Variants in CALB2 observed in about 807,000 individuals in gnomAD.
CALB2 encodes the protein calretinin.
A neutral mutation model predicts 45.9 loss-of-function variants in CALB2; 34 were observed. That is an observed-to-expected ratio of 0.74 (90% confidence interval 0.56 to 0.99). The LOEUF (loss-of-function observed/expected upper bound fraction) is 0.99. Among genes scored for constraint, CALB2 ranks in the 50% least tolerant of loss-of-function variants. CALB2 has a pLI of 0.00. For missense variants in CALB2, 344 were observed against 339.3 expected, an observed-to-expected ratio of 1.01 and a Z score of -0.11; for synonymous variants, 142 against 129.6, an observed-to-expected ratio of 1.10 and a Z score of -0.65.
chr16:71,365,718 C>G (rs528753558), intron 1 of CALB2, among the ~76,000 whole-genome samples: 1 of 152,162 alleles, frequency 6.6e-6, no homozygotes, highest in East Asian at 1.9e-4. Flanking sequence ...GCGTTATGCT[C>G]CAATCCTACT....
At chr16:71,387,780 G>C (rs1259165779) in intron 10 of CALB2, among the ~76,000 whole-genome samples, 2 of 152,212 alleles carry the variant, frequency 1.3e-5, no homozygotes, top group African/African-American at 2.4e-5. Flanking sequence ...TTCTGATTAA[G>C]TGGCAGATAT....
chr16:71,384,186 G>C (rs1417613604), intron 7 of CALB2, among the ~76,000 whole-genome samples, 153 bp from the exon 8 acceptor site: 1 of 151,910 alleles, frequency 6.6e-6, no homozygotes, highest in Non-Finnish European at 1.5e-5. Context: ...CACCTTGTCT[G>C]TCTCCCTCGT....
At chr16:71,378,872 A>T (rs182235280) in intron 4 of CALB2, among the ~76,000 whole-genome samples, 1 of 152,210 alleles carries the variant, frequency 6.6e-6, no homozygotes. Flanking sequence ...CTAGAGAAGG[A>T]TGGACTTATG....
chr16:71,360,794 C>T (rs192797373), intron 1 of CALB2, among the ~76,000 whole-genome samples: 1 of 152,350 alleles, frequency 6.6e-6, no homozygotes, highest in Admixed American at 6.5e-5. Context: ...TCCCCTTATA[C>T]AGATGAGGAA....
chr16:71,377,554 C>T, intron 3 of CALB2, 113 bp from the exon 4 acceptor site: 1 of 688,332 alleles, frequency 1.5e-6, no homozygotes, highest in Non-Finnish European at 2.6e-6. Context: ...GAAGAAAACG[C>T]AATTCCCACA....
intron 3 of CALB2, among the ~76,000 whole-genome samples, chr16:71,377,101 TG>T (rs2042425557): frequency 6.6e-6 from 1 of 152,204 alleles, no homozygotes; most frequent in African/African-American, 2.4e-5. Context: ...GGCGGTTGGG[TG>T]GGCAGCCAGC....
chr16:71,382,657 G>T (rs2144995626), intron 4 of CALB2, 62 bp from the exon 5 acceptor site: 1 of 1,550,364 alleles, frequency 6.5e-7, no homozygotes, highest in Middle Eastern at 1.7e-4. Context: ...AAGGGGAATG[G>T]AAGGGAGGTG....
chr16:71,380,072 G>C (rs2042468522), intron 4 of CALB2, among the ~76,000 whole-genome samples: 1 of 152,044 alleles, frequency 6.6e-6, no homozygotes, highest in Non-Finnish European at 1.5e-5. Flanking sequence ...CATCATGCCT[G>C]ACTCCTTTCC....
In CALB2 at chr16:71,358,803, C is replaced by T. The variant is rs1186830523; in HGVS notation, c.11C>T (p.Pro4Leu). Residue 4 changes from proline to leucine, a missense_variant, in exon 1 of 11, where the codon CCG becomes CTG. This residue lies in a region of CALB2 where 77 missense variants were observed against 80.5 expected (regional missense o/e 0.96). Coordinates refer to ENST00000302628, the MANE Select transcript of CALB2 (RefSeq NM_001740.5). ...TCCGAGCGGCTCGCCATGGCTGGCC[C>T]GCAGCAGCAGCCCCCTTACCTGCAC... MAG[P>L]QQQPPYLHLA... is the part of the protein sequence containing the mutation. The T allele has an allele frequency of 2.8e-5, 45 of 1,607,216 alleles. No homozygotes were observed. The highest frequency in any genetic ancestry group is 3.8e-5 in the Non-Finnish European group (45 of 1,178,114).
In CALB2 at chr16:71,382,712, G is replaced by A. The variant is rs1434520243; in HGVS notation, c.343-7G>A. 10 of 1,610,950 alleles carry A rather than the reference G, an allele frequency of 6.2e-6. No homozygotes were observed. Among genetic ancestry groups the A allele is most frequent in the Non-Finnish European group, 8.5e-6 (10 of 1,178,888 alleles). On this transcript the variant is annotated splice_region_variant and splice_polypyrimidine_tract_variant and intron_variant, in intron 4 of 10. Transcript: ENST00000302628. ...TTGCAAAGAGGTTGACATTCCTGTT[G>A]TTGCAGGCTTGGCGGAAGTACGACA...
chr16:71,379,205 A>G lies in CALB2; in HGVS notation c.342+1458A>G, dbSNP rs545292789. On this transcript the variant is annotated intron_variant, in intron 4 of 10. Transcript: ENST00000302628. Reference sequence around the variant, plus strand: ...GGCAGGAGAATCGCTTGAACCAGGCAGGCAGAGGTTGCAGTGAGCCAAGAT... The same window carrying G: ...GGCAGGAGAATCGCTTGAACCAGGCGGGCAGAGGTTGCAGTGAGCCAAGAT... 3.9e-5 allele frequency among the ~76,000 whole-genome samples: 6 copies of G among 152,184 alleles called. 1 individual carries two copies. The East Asian group carries it at 1.2e-3, about 29-fold the overall frequency.
intron 7 of CALB2, 22 bp from the exon 8 acceptor site, chr16:71,384,317 T>C (rs1259762203): frequency 6.2e-7 from 1 of 1,610,444 alleles, no homozygotes; most frequent in East Asian, 2.2e-5. Context: ...TCCTCATCTC[T>C]GCTCTAACAT....
intron 4 of CALB2, among the ~76,000 whole-genome samples, chr16:71,380,844 A>C (rs1598171904): frequency 1.3e-5 from 2 of 152,026 alleles, no homozygotes; most frequent in South Asian, 4.2e-4. Context: ...CAGCACAACA[A>C]CTCCTAATTT....
chr16:71,374,311 A>C (rs1344473088), intron 2 of CALB2, among the ~76,000 whole-genome samples: 1 of 152,182 alleles, frequency 6.6e-6, no homozygotes, highest in East Asian at 1.9e-4. Flanking sequence ...AAAATGAGCA[A>C]TCTACCTTGC....
At chr16:71,377,428 C>T (rs1358185156) in intron 3 of CALB2, among the ~76,000 whole-genome samples, 1 of 152,168 alleles carries the variant, frequency 6.6e-6, no homozygotes, top group African/African-American at 2.4e-5. Flanking sequence ...TAAAGCAGCA[C>T]CACTTTTTCC....
rs1567543207 is a variant in CALB2 at position 71,383,445 on chromosome 16, G to A, written c.477+1G>A. The A allele has an allele frequency of 6.2e-7, 1 of 1,613,988 alleles. No homozygotes were observed. On this transcript the variant is annotated splice_donor_variant, in intron 6 of 10. Transcript: ENST00000302628. LOFTEE classifies it high-confidence loss of function. ...GCTCCAGGAATACACCCAAACCATA[G>A]TGAGTGAACAGAAGTGTCCCTCTCC...
At chr16:71,389,683 G>C (rs2042613611) in intron 10 of CALB2, 66 bp from the exon 11 acceptor site, 1 of 1,085,348 alleles carries the variant, frequency 9.2e-7, no homozygotes, top group Admixed American at 1.7e-5. Flanking sequence ...TGTGAATGTG[G>C]ACGTGGGCTC....
At chr16:71,383,225 T>A in intron 5 of CALB2, 142 bp from the exon 6 acceptor site, 1 of 783,222 alleles carries the variant, frequency 1.3e-6, no homozygotes, top group East Asian at 2.7e-5. Flanking sequence ...TTAGGAATTA[T>A]GAGGGCCCTG....
At chr16:71,381,714 C>T (rs1047202532) in intron 4 of CALB2, among the ~76,000 whole-genome samples, 5 of 151,934 alleles carry the variant, frequency 3.3e-5, no homozygotes, top group Middle Eastern at 3.4e-3. Context: ...GAGAACAAAA[C>T]TTGAAAGAAA....
Sources: allele counts gnomAD v4.1 joint callset (sites outside exome capture counted in the v4.1 genomes callset), GRCh38; gene constraint gnomAD v4.1.1; regional missense constraint gnomAD v4.1.1; transcripts MANE v1.5; gene names NCBI Gene and HGNC (gene_info 2026-07-23, HGNC 2026-07-21).